Variants in ADAMTS14 observed in about 807,000 individuals in gnomAD.
ADAMTS14 encodes A disintegrin and metalloproteinase with thrombospondin motifs 14.
Under a neutral mutation model 128.6 loss-of-function variants are expected in ADAMTS14, and 100 were observed. The ratio of observed to expected loss-of-function variants is 0.78; its 90% CI spans 0.66 to 0.92. The LOEUF (loss-of-function observed/expected upper bound fraction) is 0.92, where lower values mean the gene tolerates loss of function less well. ADAMTS14 is among the 40% of genes least tolerant of loss of function. The pLI is 0.00. For synonymous variants in ADAMTS14, 665 were observed against 653.8 expected, an observed-to-expected ratio of 1.02 and a Z score of -0.26; for missense variants, 1,562 against 1,658.6, an observed-to-expected ratio of 0.94 and a Z score of 1.01.
chr10:70,749,714 G>T (rs1564557085), intron 15 of ADAMTS14, 108 bp from the exon 16 acceptor site: 1 of 1,378,356 alleles, frequency 7.3e-7, no homozygotes, highest in East Asian at 2.5e-5. Context: ...AAGGCCGGTG[G>T]ACAGGAGCCC....
Position 70,674,617 on chromosome 10 carries a change from T to G in ADAMTS14, c.144T>G (p.Phe48Leu). The G allele has an allele frequency of 6.2e-7, 1 of 1,613,900 alleles. No homozygotes were observed. The highest frequency in any genetic ancestry group is 8.5e-7 in the Non-Finnish European group (1 of 1,180,034). Reference protein sequence around the residue: ...YGVTVPCSTDFRGRFLSHVVS... With the variant: ...YGVTVPCSTDLRGRFLSHVVS... ...TGACAGTGCCCTGCAGCACAGACTT[T>G]CGGGGACGCTTCCTCTCCCACGTGG... The change falls in exon 2 of 22, where the codon TTT becomes TTG. Residue 48 changes from phenylalanine to leucine, a missense_variant. Physicochemically the swap from Phe to Leu is conservative, Grantham distance 22 (BLOSUM62 0). Transcript: ENST00000373207.
chr10:70,744,317 C>T, intron 14 of ADAMTS14, 128 bp downstream of exon 14: 1 of 1,301,032 alleles, frequency 7.7e-7, no homozygotes, highest in East Asian at 3.1e-5. Context: ...GGCCCATCTC[C>T]AGGCCTTCCT....
chr10:70,677,027 CTAA>C (rs1839665565), intron 2 of ADAMTS14, among the ~76,000 whole-genome samples: 1 of 152,134 alleles, frequency 6.6e-6, no homozygotes, highest in Non-Finnish European at 1.5e-5. Flanking sequence ...ATGACCGTCG[CTAA>C]TAATAAGTGA....
intron 9 of ADAMTS14, 137 bp downstream of exon 9, chr10:70,735,438 A>G: frequency 8.5e-6 from 11 of 1,290,900 alleles, no homozygotes; most frequent in Non-Finnish European, 1.0e-5. Context: ...ACACAGTGCC[A>G]GCCACCATGC....
intron 8 of ADAMTS14, 73 bp from the exon 9 acceptor site, chr10:70,735,096 C>T (rs1315511758): frequency 6.4e-7 from 1 of 1,552,716 alleles, no homozygotes; most frequent in South Asian, 1.2e-5. Flanking sequence ...CATGAAAACC[C>T]CAGCCCCTGG....
chr10:70,761,102 C>A lies in ADAMTS14; in HGVS notation c.*249C>A, dbSNP rs1842603578. The A allele has an allele frequency of 2.0e-6, 1 of 491,774 alleles. No individual in the cohort carries two copies. Among genetic ancestry groups the A allele is most frequent in the Non-Finnish European group, 3.5e-6 (1 of 289,340 alleles). The allele number at this position is 491,774 out of a possible 1,614,324, so 30.5% of individuals were successfully genotyped here. On this transcript the variant is annotated 3_prime_UTR_variant, in exon 22 of 22. Coordinates refer to ENST00000373207, the MANE Select transcript of ADAMTS14 (RefSeq NM_080722.4). ...CCCGGCGGGACTGACCCTCTCAGGG[C>A]CCCTGTTGGTCTCCCCTGCCAAGAC...
intron 8 of ADAMTS14, 42 bp downstream of exon 8, chr10:70,734,070 C>G (rs761113371): frequency 6.3e-7 from 1 of 1,589,026 alleles, no homozygotes; most frequent in Admixed American, 1.7e-5. Flanking sequence ...GGGGAGCATG[C>G]GACCTGCCAC....
intron 4 of ADAMTS14, among the ~76,000 whole-genome samples, chr10:70,728,167 G>A (rs1008102838): frequency 7.2e-5 from 11 of 152,012 alleles, no homozygotes; most frequent in African/African-American, 2.7e-4. Flanking sequence ...AGGATTACAG[G>A]CATAAGCCAC....
Position 70,672,559 on chromosome 10 carries a change from G to A in ADAMTS14, c.-244G>A, listed in dbSNP as rs1839512619. ...GGCAGTTGGCACCGGGTGCGCTGGC[G>A]CGTCAGTGGCCCCGCTCTCCAGCCG... On this transcript the variant is annotated 5_prime_UTR_variant, in exon 1 of 22. Coordinates refer to ENST00000373207, the MANE Select transcript of ADAMTS14 (RefSeq NM_080722.4). 6.6e-6 allele frequency among the ~76,000 whole-genome samples: 1 copy of A among 151,288 alleles called. No homozygotes were observed.
At chr10:70,747,904 A>AG (rs1211818191) in intron 15 of ADAMTS14, among the ~76,000 whole-genome samples, 2 of 152,182 alleles carry the variant, frequency 1.3e-5, no homozygotes, top group Non-Finnish European at 2.9e-5. Flanking sequence ...ATGCACGTGT[A>AG]GGGGTGTGTG....
chr10:70,673,267 G>GTA (rs138311796), intron 1 of ADAMTS14, among the ~76,000 whole-genome samples: 25,646 of 142,576 alleles, frequency 0.18, 2,690 homozygotes, highest in Non-Finnish European at 0.26. Context: ...TGCAAGGGGT[G>GTA]TGTGTGTGTG....
intron 2 of ADAMTS14, among the ~76,000 whole-genome samples, chr10:70,683,831 T>G (rs1197575258): frequency 6.6e-6 from 1 of 152,012 alleles, no homozygotes; most frequent in Non-Finnish European, 1.5e-5. Context: ...GCGGCCTCAG[T>G]TCTCTCTGTG....
intron 12 of ADAMTS14, 83 bp downstream of exon 12, chr10:70,741,245 C>A: frequency 6.8e-7 from 1 of 1,478,076 alleles, no homozygotes; most frequent in East Asian, 2.4e-5. Flanking sequence ...CCTCCTACCC[C>A]TACATACACC....
intron 4 of ADAMTS14, among the ~76,000 whole-genome samples, chr10:70,714,946 C>CAAAA (rs58012076): frequency 4.8e-5 from 3 of 63,028 alleles, no homozygotes; most frequent in African/African-American, 1.9e-4. Flanking sequence ...ACTGCAGTCT[C>CAAAA]AAAAAAAAAA....
chr10:70,729,697 G>A (rs190417296), intron 5 of ADAMTS14, among the ~76,000 whole-genome samples: 55 of 152,256 alleles, frequency 3.6e-4, no homozygotes, highest in Middle Eastern at 3.4e-3. Context: ...GGTGCCCTGC[G>A]CTCTGCAATC....
At chr10:70,733,835 G>T in intron 7 of ADAMTS14, 50 bp from the exon 8 acceptor site, 1 of 1,565,522 alleles carries the variant, frequency 6.4e-7, no homozygotes, top group South Asian at 1.2e-5. Context: ...CTGCCTTCCC[G>T]GGGCAGGCTC....
chr10:70,751,587 T>C lies in ADAMTS14; in HGVS notation c.2537T>C (p.Met846Thr), dbSNP rs368028002. Residue 846 changes from methionine to threonine, a missense_variant, in exon 17 of 22, where the codon ATG becomes ACG. Coordinates refer to ENST00000373207, the MANE Select transcript of ADAMTS14 (RefSeq NM_080722.4). ...IGSNNVLLEE[M>T]DTYEWALKSW... ...AGCAACAATGTGCTCCTGGAGGAGA[T>C]GGACACCTATGAGTGGGCGCTCAAG... The C allele has an allele frequency of 4.3e-6, 7 of 1,613,766 alleles. No individual in the cohort carries two copies. Among genetic ancestry groups the C allele is most frequent in the Admixed American group, 1.7e-5 (1 of 60,014 alleles).
At chr10:70,756,379 A>G (rs762161130) in intron 19 of ADAMTS14, among the ~76,000 whole-genome samples, 1 of 152,262 alleles carries the variant, frequency 6.6e-6, no homozygotes, top group African/African-American at 2.4e-5. Flanking sequence ...TTGTTTTGAT[A>G]TAAAACAGAT....
chr10:70,678,226 G>T (rs1839702283), intron 2 of ADAMTS14, among the ~76,000 whole-genome samples: 1 of 152,312 alleles, frequency 6.6e-6, no homozygotes, highest in African/African-American at 2.4e-5. Flanking sequence ...AAGCTCTTTT[G>T]CTTCCTTCAA....
Sources: allele counts gnomAD v4.1 joint callset (sites outside exome capture counted in the v4.1 genomes callset), GRCh38; gene constraint gnomAD v4.1.1; transcripts MANE v1.5; gene names NCBI Gene and HGNC (gene_info 2026-07-23, HGNC 2026-07-21).